The following ITGAM variants were observed in gnomAD, a reference collection of about 807,000 sequenced individuals.
The protein encoded by ITGAM is integrin alpha-M.
ITGAM carries 79 observed loss-of-function variants against 137.5 expected under a neutral mutation model. The ratio of observed to expected loss-of-function variants is 0.57; its 90% confidence interval spans 0.48 to 0.69. The LOEUF (loss-of-function observed/expected upper bound fraction) is 0.69. Among genes scored for constraint, ITGAM ranks in the 30% least tolerant of loss-of-function variants. The probability of loss-of-function intolerance (pLI) is 0.00; values close to 1 mark genes in which losing one functional copy is unlikely to be tolerated. For missense variants in ITGAM, 1,343 were observed against 1,483.5 expected (o/e 0.91, Z 1.56); for synonymous variants, 583 against 592.3 (o/e 0.98, Z 0.23).
At chr16:31,278,154 T>TGGG (rs1438181564) in intron 12 of ITGAM, 45 bp downstream of exon 12, 1 of 1,563,384 alleles carries the variant, frequency 6.4e-7, no homozygotes, top group Non-Finnish European at 8.7e-7. Context: ...AGAGGCGCCC[T>TGGG]GGGGTCTTAG....
At chr16:31,278,803 A>G (rs2079937370) in intron 12 of ITGAM, among the ~76,000 whole-genome samples, 1 of 152,162 alleles carries the variant, frequency 6.6e-6, no homozygotes, top group Non-Finnish European at 1.5e-5. Flanking sequence ...TTTGTTACAT[A>G]TGTATACATG....
intron 5 of ITGAM, among the ~76,000 whole-genome samples, chr16:31,268,389 C>T (rs997369323): frequency 1.3e-5 from 2 of 152,108 alleles, no homozygotes; most frequent in African/African-American, 2.4e-5. Context: ...CGAAAGGGTG[C>T]GGTAGCTCAC....
At chr16:31,329,084 C>T in intron 23 of ITGAM, 144 bp from the exon 24 acceptor site, 1 of 609,312 alleles carries the variant, frequency 1.6e-6, no homozygotes, top group South Asian at 1.7e-5. Flanking sequence ...CCCCCATCCC[C>T]CTGCACCCCA....
intron 12 of ITGAM, among the ~76,000 whole-genome samples, chr16:31,278,367 T>C (rs1181428387): frequency 6.6e-6 from 1 of 152,192 alleles, no homozygotes; most frequent in Non-Finnish European, 1.5e-5. Flanking sequence ...ATTCAACCCG[T>C]ATATAACCAG....
intron 14 of ITGAM, among the ~76,000 whole-genome samples, chr16:31,302,428 C>CTTTCTTTCTTTCTTCTTTCTTTCTTTCT (rs71390270): frequency 3.9e-4 from 40 of 103,166 alleles, no homozygotes; most frequent in African/African-American, 2.0e-3. Context: ...TTCTTTCTTT[C>CTTTCTTTCTTTCTTCTTTCTTTCTTTCT]TTCTTTCTTT....
intron 10 of ITGAM, 67 bp downstream of exon 10, chr16:31,276,811 G>T: frequency 6.4e-7 from 1 of 1,566,856 alleles, no homozygotes; most frequent in South Asian, 1.1e-5. Flanking sequence ...GGAGAGATGT[G>T]GGGGTTTGGG....
At chr16:31,327,719 C>T (rs1012359051) in intron 22 of ITGAM, among the ~76,000 whole-genome samples, 3 of 152,016 alleles carry the variant, frequency 2.0e-5, no homozygotes, top group Admixed American at 6.6e-5. Context: ...ATACCAGGGA[C>T]GGGAAGATCA....
At chr16:31,316,977 T>C (rs749466237) in intron 14 of ITGAM, among the ~76,000 whole-genome samples, 7 of 152,214 alleles carry the variant, frequency 4.6e-5, no homozygotes, top group Non-Finnish European at 1.0e-4. Context: ...GTTTATTAAA[T>C]TTGATAACTT....
chr16:31,321,977 C>A lies in ITGAM; in HGVS notation c.2002+350C>A, dbSNP rs1473084338. ...GCTAAACAGAGATTTACAAAGCACT[C>A]ACATACGCATTTTATCACCAGTGAC... On this transcript the variant is annotated intron_variant, in intron 16 of 29. Transcript: ENST00000544665. Among the ~76,000 whole-genome samples, 6 of 152,184 alleles carry A rather than the reference C, an allele frequency of 3.9e-5. No homozygotes were observed. In the East Asian group the frequency reaches 1.2e-3, roughly 29 times the overall value.
Position 31,321,548 on chromosome 16 carries a change from G to A in ITGAM, c.1923G>A (p.Gln641=). The change falls in exon 16 of 30, where the codon CAG becomes CAA. Residue 641 remains glutamine (Q), a synonymous_variant. Coordinates refer to ENST00000544665, the MANE Select transcript of ITGAM (RefSeq NM_000632.4). ...VARNVFECND[Q]VVKGKEAGEV... is the part of the protein sequence containing the mutation. ...GGAATGTATTTGAGTGTAATGATCA[G>A]GTGGTGAAAGGCAAGGAAGCCGGAG... The A allele has an allele frequency of 1.2e-6, 2 of 1,614,068 alleles. No homozygotes were observed. Among genetic ancestry groups the A allele is most frequent in the Admixed American group, 1.7e-5 (1 of 60,036 alleles).
Position 31,271,835 on chromosome 16 carries a change from C to T in ITGAM, c.559-12C>T, listed in dbSNP as rs2079843510. The T allele has an allele frequency of 6.2e-7, 1 of 1,613,772 alleles. No homozygotes were observed. Among genetic ancestry groups the T allele is most frequent in the African/African-American group, 1.3e-5 (1 of 74,928 alleles). ...ACCTTCTCCAGCATCACACCAGCCG[C>T]CCCCTCCGCAGTTCTCTTTGATGCA... On this transcript the variant is annotated splice_polypyrimidine_tract_variant and intron_variant, in intron 6 of 29. Coordinates refer to ENST00000544665, the MANE Select transcript of ITGAM (RefSeq NM_000632.4).
At position 31,261,685 on chromosome 16, in the gene ITGAM, C is replaced by G; in HGVS notation, c.29-7C>G. The stretch of plus-strand genomic sequence containing the variant: ...TCTGCTTGATCCTTCCCCCATTCTC[C>G]CTTTAGCCTTGACCTTATGTCATGG... On this transcript the variant is annotated splice_polypyrimidine_tract_variant and splice_region_variant and intron_variant, in intron 1 of 29. Transcript: ENST00000544665. The G allele has an allele frequency of 1.3e-6, 2 of 1,594,296 alleles. No individual in the cohort carries two copies. Among genetic ancestry groups the G allele is most frequent in the Non-Finnish European group, 1.7e-6 (2 of 1,165,688 alleles).
chr16:31,311,849 G>A (rs545668484), intron 14 of ITGAM, among the ~76,000 whole-genome samples: 33 of 151,878 alleles, frequency 2.2e-4, no homozygotes, highest in Middle Eastern at 6.8e-3. Flanking sequence ...TGTTTATTGC[G>A]GCACTATTCA....
At chr16:31,262,345 TTCC>T (rs1567243947) in intron 2 of ITGAM, among the ~76,000 whole-genome samples, 5 of 36,930 alleles carry the variant, frequency 1.4e-4, no homozygotes, top group African/African-American at 4.7e-4. Flanking sequence ...CCATCCTTCC[TTCC>T]TTCCTTCCTT....
chr16:31,286,489 T>A (rs2023961700), intron 12 of ITGAM, among the ~76,000 whole-genome samples: 1 of 152,222 alleles, frequency 6.6e-6, no homozygotes, highest in Non-Finnish European at 1.5e-5. Flanking sequence ...CGTTCCTTTT[T>A]CTTCATTGCC....
chr16:31,293,955 C>T (rs982376254), intron 12 of ITGAM, among the ~76,000 whole-genome samples: 1 of 152,122 alleles, frequency 6.6e-6, no homozygotes, highest in Non-Finnish European at 1.5e-5. Context: ...TCTTTCAACT[C>T]TCTGGTTAGC....
At chr16:31,330,626 G>C (rs1396138782) in intron 28 of ITGAM, 21 bp downstream of exon 28, 1 of 1,553,794 alleles carries the variant, frequency 6.4e-7, no homozygotes, top group African/African-American at 1.4e-5. Flanking sequence ...TGGGCGCTGA[G>C]GAACTATTGG....
intron 12 of ITGAM, among the ~76,000 whole-genome samples, chr16:31,295,725 A>G (rs181133003): frequency 1.3e-5 from 2 of 151,726 alleles, no homozygotes; most frequent in Non-Finnish European, 2.9e-5. Context: ...TTTCTTGCCT[A>G]ATTGCTGTGA....
intron 12 of ITGAM, among the ~76,000 whole-genome samples, chr16:31,288,771 A>G (rs1004619141): frequency 2.6e-5 from 4 of 152,208 alleles, no homozygotes; most frequent in Admixed American, 6.5e-5. Flanking sequence ...ATCTAATTAA[A>G]CTAAGGAGCT....
Sources: allele counts gnomAD v4.1 joint callset (sites outside exome capture counted in the v4.1 genomes callset), GRCh38; gene constraint gnomAD v4.1.1; transcripts MANE v1.5; gene names NCBI Gene and HGNC (gene_info 2026-07-23, HGNC 2026-07-21).